MAGI1: variants seen among roughly 807,000 people sequenced by gnomAD.
MAGI1 encodes the protein membrane associated guanylate kinase, WW and PDZ domain containing 1.
MAGI1 carries 58 observed loss-of-function variants against 139.9 expected under a neutral mutation model. The ratio of observed to expected loss-of-function variants is 0.41; its 90% CI spans 0.34 to 0.52. MAGI1 has a LOEUF of 0.52. Among genes scored for constraint, MAGI1 ranks in the 20% least tolerant of loss-of-function variants. The pLI is 0.12. For synonymous variants in MAGI1, 812 were observed against 737.9 expected (o/e 1.10, Z -1.63); for missense variants, 1,874 against 1,901.6 (o/e 0.99, Z 0.27).
intron 1 of MAGI1, among the ~76,000 whole-genome samples, chr3:65,878,682 G>C (rs2060213922): frequency 6.6e-6 from 1 of 152,130 alleles, no homozygotes; most frequent in South Asian, 2.1e-4. Flanking sequence ...AAATGGATAT[G>C]TTTCCCACCA....
At chr3:65,565,399 A>T (rs2108037394) in intron 2 of MAGI1, among the ~76,000 whole-genome samples, 1 of 152,344 alleles carries the variant, frequency 6.6e-6, no homozygotes, top group Non-Finnish European at 1.5e-5. Context: ...ATTTCAAGAC[A>T]GTAGTAGTTA....
chr3:66,027,754 G>C (rs1224819368), intron 1 of MAGI1, among the ~76,000 whole-genome samples: 2 of 152,112 alleles, frequency 1.3e-5, no homozygotes, highest in East Asian at 3.9e-4. Flanking sequence ...GCCTGTAGAG[G>C]GGCTTTCTCA....
chr3:65,866,993 A>T (rs1355423433), intron 1 of MAGI1, among the ~76,000 whole-genome samples: 1 of 152,170 alleles, frequency 6.6e-6, no homozygotes, highest in Non-Finnish European at 1.5e-5. Flanking sequence ...CTTTTTAAAG[A>T]GAAGCTGAAG....
intron 1 of MAGI1, among the ~76,000 whole-genome samples, chr3:65,819,578 C>CA (rs927554941): frequency 9.9e-5 from 15 of 150,860 alleles, no homozygotes; most frequent in Admixed American, 2.0e-4. Context: ...AGCATTAAGG[C>CA]AAAAAAAAGT....
intron 1 of MAGI1, among the ~76,000 whole-genome samples, chr3:65,848,013 T>C (rs1384525689): frequency 6.6e-6 from 1 of 152,180 alleles, no homozygotes; most frequent in African/African-American, 2.4e-5. Context: ...TTTTGGTTGA[T>C]CTTGGATAGC....
intron 1 of MAGI1, among the ~76,000 whole-genome samples, chr3:65,756,916 C>A (rs1248895515): frequency 6.6e-6 from 1 of 152,226 alleles, no homozygotes; most frequent in African/African-American, 2.4e-5. Flanking sequence ...GAACTTACAT[C>A]TGAACCCATA....
At chr3:65,731,994 T>TTAAACAA (rs1161786724) in intron 1 of MAGI1, among the ~76,000 whole-genome samples, 1 of 152,222 alleles carries the variant, frequency 6.6e-6, no homozygotes, top group Non-Finnish European at 1.5e-5. Flanking sequence ...AATGTCGCAA[T>TTAAACAA]TAAACAATTC....
intron 2 of MAGI1, among the ~76,000 whole-genome samples, chr3:65,616,266 G>A (rs7613033): frequency 0.42 from 63,897 of 151,684 alleles, 13,966 homozygotes; most frequent in Non-Finnish European, 0.49. Context: ...AGGAGTCCCC[G>A]TATCACAGAC....
At chr3:65,841,915 G>A (rs1025524588) in intron 1 of MAGI1, among the ~76,000 whole-genome samples, 2 of 152,088 alleles carry the variant, frequency 1.3e-5, no homozygotes, top group African/African-American at 4.8e-5. Flanking sequence ...TGCCTAAGGC[G>A]CAACTGGGGT....
intron 1 of MAGI1, among the ~76,000 whole-genome samples, chr3:65,781,844 G>T (rs987365665): frequency 6.6e-6 from 1 of 152,182 alleles, no homozygotes; most frequent in African/African-American, 2.4e-5. Context: ...AGAGAGTACA[G>T]GCAGCTTTCC....
intron 1 of MAGI1, among the ~76,000 whole-genome samples, chr3:65,778,767 T>C (rs760662082): frequency 4.6e-5 from 7 of 152,178 alleles, no homozygotes; most frequent in African/African-American, 7.2e-5. Context: ...TCAAAATGTG[T>C]CTTCACTTTT....
intron 22 of MAGI1, 148 bp downstream of exon 22, chr3:65,361,051 C>T: frequency 1.3e-6 from 2 of 1,532,632 alleles, no homozygotes; most frequent in Non-Finnish European, 1.8e-6. Flanking sequence ...GATTTCAGAA[C>T]AAGCGAGGCA....
chr3:65,888,612 C>G (rs2060621961), intron 1 of MAGI1, among the ~76,000 whole-genome samples: 1 of 152,072 alleles, frequency 6.6e-6, no homozygotes, highest in African/African-American at 2.4e-5. Flanking sequence ...ACTGGATTCA[C>G]AAGTCTTAAA....
At chr3:66,005,670 G>A (rs2066977577) in intron 1 of MAGI1, among the ~76,000 whole-genome samples, 1 of 152,080 alleles carries the variant, frequency 6.6e-6, no homozygotes. Context: ...GGAAATCAAA[G>A]GGAGAGAAGA....
intron 1 of MAGI1, among the ~76,000 whole-genome samples, chr3:65,911,789 C>T (rs551486802): frequency 1.3e-3 from 199 of 152,368 alleles, no homozygotes; most frequent in African/African-American, 4.6e-3. Context: ...TTCCTAGCAT[C>T]AAACTTGGCA....
At chr3:65,666,230 T>C (rs1319973457) in intron 1 of MAGI1, among the ~76,000 whole-genome samples, 1 of 152,198 alleles carries the variant, frequency 6.6e-6, no homozygotes, top group East Asian at 1.9e-4. Flanking sequence ...GTGTGTGCAT[T>C]CACAATGTAC....
chr3:65,413,261 C>A (rs1356486592), intron 12 of MAGI1, among the ~76,000 whole-genome samples: 1 of 152,102 alleles, frequency 6.6e-6, no homozygotes, highest in Non-Finnish European at 1.5e-5. Flanking sequence ...AGCTTTATTC[C>A]CAAACTGCTT....
chr3:65,462,701 C>G (rs1426974358), intron 5 of MAGI1, among the ~76,000 whole-genome samples: 3 of 152,144 alleles, frequency 2.0e-5, no homozygotes, highest in Non-Finnish European at 4.4e-5. Context: ...CTATAAATTA[C>G]TTTGGGCAGT....
intron 1 of MAGI1, among the ~76,000 whole-genome samples, chr3:65,893,602 A>T (rs1489177614): frequency 6.6e-6 from 1 of 152,212 alleles, no homozygotes; most frequent in Admixed American, 6.5e-5. Context: ...AAACAGACAC[A>T]AAGAAATTAC....
Sources: gnomAD v4.1 joint callset for allele counts (sites outside exome capture counted in the v4.1 genomes callset) on GRCh38, gnomAD v4.1.1 for gene constraint, MANE v1.5 for transcripts, NCBI Gene and HGNC (gene_info 2026-07-23, HGNC 2026-07-21) for gene names.